TTC7B: variants seen among roughly 807,000 people sequenced by gnomAD.
The protein encoded by TTC7B is tetratricopeptide repeat protein 7B.
A neutral mutation model predicts 106.8 loss-of-function variants in TTC7B; 28 were observed. The observed-to-expected ratio is 0.26, with a 90% CI of 0.19 to 0.36. The LOEUF (loss-of-function observed/expected upper bound fraction) is 0.36, where lower values mean the gene tolerates loss of function less well. TTC7B is among the 10% of genes least tolerant of loss of function. The pLI is 1.00. For missense variants in TTC7B, 862 were observed against 1,076.4 expected (o/e 0.80, Z 2.79); for synonymous variants, 405 against 430.6 (o/e 0.94, Z 0.74).
chr14:90,552,604 C>T (rs1028953162), intron 19 of TTC7B, among the ~76,000 whole-genome samples: 24 of 152,192 alleles, frequency 1.6e-4, no homozygotes, highest in Non-Finnish European at 2.6e-4. Flanking sequence ...AGGCCGCTGA[C>T]GTGCTGGTCC....
chr14:90,581,784 G>C (rs1013183521), intron 18 of TTC7B, among the ~76,000 whole-genome samples: 5 of 152,172 alleles, frequency 3.3e-5, no homozygotes, highest in Non-Finnish European at 5.9e-5. Context: ...CTCTCCAGGG[G>C]TCCTCCATGA....
chr14:90,609,580 G>A (rs1387445947), intron 17 of TTC7B, among the ~76,000 whole-genome samples: 1 of 152,150 alleles, frequency 6.6e-6, no homozygotes, highest in Non-Finnish European at 1.5e-5. Flanking sequence ...AAAGGTTCTG[G>A]CAGAGCTGGG....
chr14:90,788,782 G>A (rs1595374078), intron 1 of TTC7B, among the ~76,000 whole-genome samples: 1 of 25,896 alleles, frequency 3.9e-5, no homozygotes, highest in Non-Finnish European at 3.7e-4. Context: ...GGCAAACATG[G>A]TGAAACTCTG....
At chr14:90,677,704 C>A (rs572823463) in intron 8 of TTC7B, 28 of 372,464 alleles carry the variant, frequency 7.5e-5, no homozygotes, top group African/African-American at 5.3e-4. Context: ...CGTTGATCTT[C>A]CCCCTGACAT....
At chr14:90,627,505 T>C (rs543129855) in intron 15 of TTC7B, among the ~76,000 whole-genome samples, 86 of 152,342 alleles carry the variant, frequency 5.6e-4, no homozygotes, top group African/African-American at 2.0e-3. Flanking sequence ...GGCCAAAGTA[T>C]GATGAGGAGA....
intron 5 of TTC7B, chr14:90,698,710 C>G (rs1186485180): frequency 6.5e-6 from 1 of 154,020 alleles, no homozygotes; most frequent in African/African-American, 2.4e-5. Context: ...GGAATCGTTC[C>G]CAACAGCTCG....
At chr14:90,763,176 A>G (rs959512968) in intron 3 of TTC7B, among the ~76,000 whole-genome samples, 15 of 152,230 alleles carry the variant, frequency 9.9e-5, no homozygotes, top group Admixed American at 8.5e-4. Context: ...GCATTAAAAA[A>G]TCATATACCA....
chr14:90,688,621 CAAAAAAAAAAAAAAAAAAAA>C (rs57020065), intron 7 of TTC7B, among the ~76,000 whole-genome samples: 15 of 54,490 alleles, frequency 2.8e-4, no homozygotes, highest in Admixed American at 1.7e-3. Flanking sequence ...GGCTCTGTCT[CAAAAAAAAAAAAAAAAAAAA>C]AAAAAAAAAA....
intron 19 of TTC7B, among the ~76,000 whole-genome samples, chr14:90,559,858 A>G (rs1407657803): frequency 2.0e-5 from 3 of 152,220 alleles, no homozygotes; most frequent in African/African-American, 7.2e-5. Flanking sequence ...GGTCCTACAA[A>G]CTGCCAGTGT....
Position 90,593,625 on chromosome 14 carries a change from G to A in TTC7B, c.1968C>T (p.Gly656=). Residue 656 remains glycine (G), a splice_region_variant and synonymous_variant, in exon 18 of 20, where the codon GGC becomes GGT. Transcript: ENST00000328459. ...TLPDFSDPET[G]SVHATSVAAS... ...CTGCTACCGATGTGGCATGGACGGA[G>A]CCTGTGAGAGGTTTTTGAGAAGACT... 1 of 1,593,128 alleles carries A rather than the reference G, an allele frequency of 6.3e-7. No homozygotes were observed. Among genetic ancestry groups the A allele is most frequent in the Non-Finnish European group, 8.6e-7 (1 of 1,168,688 alleles).
chr14:90,665,337 C>T (rs373271569), intron 9 of TTC7B, among the ~76,000 whole-genome samples: 37 of 152,302 alleles, frequency 2.4e-4, no homozygotes, highest in Admixed American at 7.2e-4. Context: ...CATTTAAGTG[C>T]GAGTCAAAAT....
chr14:90,579,155 T>G (rs1891381764), intron 18 of TTC7B, among the ~76,000 whole-genome samples: 1 of 152,198 alleles, frequency 6.6e-6, no homozygotes, highest in African/African-American at 2.4e-5. Context: ...TCCTGAGGCC[T>G]TGCCAATTGA....
chr14:90,590,297 C>T (rs1289410730), intron 18 of TTC7B, among the ~76,000 whole-genome samples: 1 of 152,172 alleles, frequency 6.6e-6, no homozygotes, highest in Non-Finnish European at 1.5e-5. Context: ...CATGCACAGA[C>T]AAGTGGCCTA....
rs565486025 is a variant in TTC7B at position 90,616,745 on chromosome 14, G to A, written c.1868+1184C>T. Reference sequence around the variant, plus strand: ...CAATCTCACAGGGAACCCCATCTCTGTTCTGCTGCCTCCGTAGCCCTCCCT... The same window carrying A: ...CAATCTCACAGGGAACCCCATCTCTATTCTGCTGCCTCCGTAGCCCTCCCT... On this transcript the variant is annotated intron_variant, in intron 16 of 19. Transcript: ENST00000328459. Among the ~76,000 whole-genome samples the A allele has an allele frequency of 5.9e-5, 9 of 152,224 alleles. No homozygotes were observed. In the South Asian group the frequency reaches 1.7e-3, roughly 28 times the overall value.
Position 90,816,358 on chromosome 14 carries a change from C to A in TTC7B, c.-63G>T. 1 of 908,376 alleles carries A rather than the reference C, an allele frequency of 1.1e-6. No individual in the cohort carries two copies. The allele number at this position is 908,376 out of a possible 1,614,324, so 56.3% of individuals were successfully genotyped here. Reference sequence around the variant, plus strand: ...CCCACCGCCGCCGCCGCGGCGCCCCCTCGCCGCCTCCCGCCGCCGCCGCGG... The same window carrying A: ...CCCACCGCCGCCGCCGCGGCGCCCCATCGCCGCCTCCCGCCGCCGCCGCGG... On this transcript the variant is annotated 5_prime_UTR_variant, in exon 1 of 20. The change creates a new upstream start codon in the 5' untranslated region. Transcript: ENST00000328459.
At position 90,687,386 on chromosome 14, in the gene TTC7B, A is replaced by C. The variant is rs188520519; in HGVS notation, c.950+2154T>G. Among the ~76,000 whole-genome samples, 15 of 152,310 alleles carry C rather than the reference A, an allele frequency of 9.8e-5. No homozygotes were observed. The East Asian group carries it at 2.3e-3, about 24-fold the overall frequency. ...GGAAAGCTGACATTAGAAAAGTGAC[A>C]AAATCTGAGTGGTTCAGGAAATGGA... On this transcript the variant is annotated intron_variant, in intron 7 of 19. Transcript: ENST00000328459.
At position 90,527,611 on chromosome 14, in the gene TTC7B, G is replaced by A. The variant is rs929907435; in HGVS notation, c.*13757C>T. ...GTCTCACTCTGTCGCCCAGGTGGGA[G>A]TGCAATGGCGCCATCTCGGCTCACT... On this transcript the variant is annotated 3_prime_UTR_variant, in exon 20 of 20. Coordinates refer to ENST00000328459, the MANE Select transcript of TTC7B (RefSeq NM_001010854.2). The A allele has an allele frequency of 1.3e-5, 2 of 150,260 alleles. No individual in the cohort carries two copies. The highest frequency in any genetic ancestry group is 4.9e-5 in the African/African-American group (2 of 40,676). The allele number at this position is 150,260 out of a possible 1,614,324, so 9.3% of individuals were successfully genotyped here. A position where few individuals can be genotyped will look rare whatever the true frequency, so the allele number is the denominator to read the frequency against.
chr14:90,777,842 G>A (rs1304715142), intron 3 of TTC7B, among the ~76,000 whole-genome samples: 1 of 152,220 alleles, frequency 6.6e-6, no homozygotes, highest in Non-Finnish European at 1.5e-5. Context: ...TAGTCCCTCA[G>A]GGCCCACCCA....
intron 1 of TTC7B, among the ~76,000 whole-genome samples, chr14:90,804,383 G>A (rs1222120246): frequency 6.6e-6 from 1 of 152,122 alleles, no homozygotes; most frequent in Non-Finnish European, 1.5e-5. Context: ...CCTCGAGGCT[G>A]CAGGTCTGTG....
Sources: allele counts gnomAD v4.1 joint callset (sites outside exome capture counted in the v4.1 genomes callset), GRCh38; gene constraint gnomAD v4.1.1; transcripts MANE v1.5; gene names NCBI Gene and HGNC (gene_info 2026-07-23, HGNC 2026-07-21).